Variants in BNC2 observed in about 807,000 individuals in gnomAD.
BNC2 encodes basonuclin zinc finger protein 2.
Under a neutral mutation model 76.3 loss-of-function variants are expected in BNC2, and 20 were observed. The observed-to-expected ratio is 0.26, with a 90% CI of 0.18 to 0.38. The LOEUF is 0.38. Among genes scored for constraint, BNC2 ranks in the 10% least tolerant of loss-of-function variants. BNC2 has a pLI of 1.00. For synonymous variants in BNC2, 582 were observed against 514.8 expected, an observed-to-expected ratio of 1.13 and a Z score of -1.77; for missense variants, 1,382 against 1,399.8, an observed-to-expected ratio of 0.99 and a Z score of 0.20.
intron 2 of BNC2, among the ~76,000 whole-genome samples, chr9:16,731,920 A>G (rs1047833698): frequency 6.6e-6 from 1 of 152,136 alleles, no homozygotes; most frequent in African/African-American, 2.4e-5. Flanking sequence ...GCATATAACT[A>G]CACACTGTGC....
chr9:16,588,143 G>C (rs147451988), intron 3 of BNC2, among the ~76,000 whole-genome samples: 1 of 152,284 alleles, frequency 6.6e-6, no homozygotes, highest in Non-Finnish European at 1.5e-5. Context: ...CATTGCAACA[G>C]TGGCAAAACA....
intron 1 of BNC2, among the ~76,000 whole-genome samples, chr9:16,766,733 T>G (rs370357276): frequency 2.5e-4 from 38 of 152,242 alleles, no homozygotes; most frequent in African/African-American, 8.4e-4. Flanking sequence ...CTACAGGTCC[T>G]GTTGGAGTTT....
chr9:16,444,965 A>C (rs112072698), intron 5 of BNC2, among the ~76,000 whole-genome samples: 18 of 152,228 alleles, frequency 1.2e-4, no homozygotes, highest in Middle Eastern at 6.8e-3. Context: ...GATTATGTTT[A>C]TCTCTCTAAT....
At chr9:16,614,152 C>G (rs1209342290) in intron 3 of BNC2, among the ~76,000 whole-genome samples, 1 of 152,186 alleles carries the variant, frequency 6.6e-6, no homozygotes, top group Non-Finnish European at 1.5e-5. Flanking sequence ...TTAAATTTCA[C>G]TGTCACAAGC....
At chr9:16,553,890 T>A (rs2382808) in intron 4 of BNC2, among the ~76,000 whole-genome samples, 28,346 of 152,124 alleles carry the variant, frequency 0.19, 4,643 homozygotes, top group African/African-American at 0.44. Flanking sequence ...ATTAGTGAGA[T>A]AACGAGTGAG....
intron 6 of BNC2, among the ~76,000 whole-genome samples, chr9:16,422,773 C>T (rs940398633): frequency 1.3e-5 from 2 of 152,156 alleles, no homozygotes; most frequent in East Asian, 1.9e-4. Context: ...CAAGAGGTTA[C>T]GGTTCAGTCT....
intron 3 of BNC2, among the ~76,000 whole-genome samples, chr9:16,709,284 C>G (rs574173220): frequency 1.3e-5 from 2 of 152,280 alleles, no homozygotes; most frequent in East Asian, 3.9e-4. Context: ...CATTAGGTAC[C>G]ATCCGTCAAA....
At chr9:16,662,038 C>G (rs1202563017) in intron 3 of BNC2, among the ~76,000 whole-genome samples, 1 of 152,144 alleles carries the variant, frequency 6.6e-6, no homozygotes, top group Non-Finnish European at 1.5e-5. Context: ...CCTAGAAAAA[C>G]AGATTGGGAT....
At chr9:16,767,220 ATC>A (rs1825719740) in intron 1 of BNC2, among the ~76,000 whole-genome samples, 2 of 152,218 alleles carry the variant, frequency 1.3e-5, no homozygotes, top group Non-Finnish European at 2.9e-5. Context: ...AGTCAATTAA[ATC>A]TCAAGTATTC....
intron 3 of BNC2, among the ~76,000 whole-genome samples, chr9:16,583,523 ATAT>A (rs1018619761): frequency 7.9e-5 from 12 of 152,190 alleles, no homozygotes; most frequent in Admixed American, 2.0e-4. Flanking sequence ...TGGCACACAA[ATAT>A]TATTATTAGA....
rs1401904402 is a variant in BNC2 at position 16,538,917 on chromosome 9, TC to T, written c.669+13612del. ...ATAATTATAGATCATACTTACGTTT[TC>T]ATTAGAAAACATACCCAGTGATCTC... is the stretch of plus-strand genomic sequence containing the variant. On this transcript the variant is annotated intron_variant, in intron 5 of 6. Transcript: ENST00000380672. Among the ~76,000 whole-genome samples the T allele has an allele frequency of 5.3e-5, 8 of 152,342 alleles. No homozygotes were observed. In the South Asian group the frequency reaches 1.7e-3, roughly 32 times the overall value.
chr9:16,673,660 T>C (rs895041245), intron 3 of BNC2, among the ~76,000 whole-genome samples: 1 of 152,212 alleles, frequency 6.6e-6, no homozygotes, highest in African/African-American at 2.4e-5. Context: ...ATAGATTAAA[T>C]AACAAGATAA....
At chr9:16,508,446 A>G (rs1371182009) in intron 5 of BNC2, among the ~76,000 whole-genome samples, 1 of 152,202 alleles carries the variant, frequency 6.6e-6, no homozygotes, top group African/African-American at 2.4e-5. Context: ...TCAGTAAAAA[A>G]ACATCATAAT....
intron 3 of BNC2, among the ~76,000 whole-genome samples, chr9:16,596,137 A>C (rs971043327): frequency 1.3e-5 from 2 of 152,134 alleles, no homozygotes; most frequent in African/African-American, 4.8e-5. Flanking sequence ...CTTTCTACAA[A>C]TTAGTCAAAA....
At position 16,409,752 on chromosome 9, in the gene BNC2, C is replaced by G. The variant is rs1245553372; in HGVS notation, c.*9237G>C. On this transcript the variant is annotated 3_prime_UTR_variant, in exon 7 of 7. Coordinates refer to ENST00000380672, the MANE Select transcript of BNC2 (RefSeq NM_017637.6). ...AAAACAGAACAAAACAAAAATAAAA[C>G]CCTTGTTCAAGGTACATACAGTATT... The G allele has an allele frequency of 6.6e-6, 1 of 152,520 alleles. No homozygotes were observed. The highest frequency in any genetic ancestry group is 2.4e-5 in the African/African-American group (1 of 41,408). 9.4% of individuals were successfully genotyped at this position (152,520 alleles called of 1,614,324 possible). A position where few individuals can be genotyped will look rare whatever the true frequency, so the allele number is the denominator to read the frequency against.
intron 1 of BNC2, among the ~76,000 whole-genome samples, chr9:16,794,794 C>G (rs920414702): frequency 2.0e-5 from 3 of 152,140 alleles, no homozygotes; most frequent in African/African-American, 7.2e-5. Context: ...CTCAATCACT[C>G]CAGATTTGTT....
At chr9:16,642,364 T>A (rs1650750212) in intron 3 of BNC2, among the ~76,000 whole-genome samples, 1 of 152,170 alleles carries the variant, frequency 6.6e-6, no homozygotes, top group Admixed American at 6.5e-5. Context: ...ATCTCCAAAG[T>A]TCTTTCAGGT....
intron 3 of BNC2, among the ~76,000 whole-genome samples, chr9:16,610,324 T>A (rs1041687695): frequency 6.6e-6 from 1 of 152,152 alleles, no homozygotes. Flanking sequence ...TGCACCACTA[T>A]AATTAAATTC....
intron 3 of BNC2, among the ~76,000 whole-genome samples, chr9:16,700,614 A>AT (rs1361831148): frequency 2.6e-5 from 4 of 151,770 alleles, no homozygotes; most frequent in Admixed American, 6.6e-5. Flanking sequence ...CTGGCTTGTA[A>AT]TTTTTTTTGC....
Sources: gnomAD v4.1 joint callset for allele counts (sites outside exome capture counted in the v4.1 genomes callset) on GRCh38, gnomAD v4.1.1 for gene constraint, MANE v1.5 for transcripts, NCBI Gene and HGNC (gene_info 2026-07-23, HGNC 2026-07-21) for gene names.